Variants in OTUD4 observed in about 807,000 individuals in gnomAD.
OTUD4 encodes the protein OTU domain-containing protein 4.
OTUD4 carries 24 observed loss-of-function variants against 130.4 expected under a neutral mutation model. The ratio of observed to expected loss-of-function variants is 0.18; its 90% CI spans 0.13 to 0.26. The LOEUF is 0.26. Ranked by LOEUF, OTUD4 falls within the 10% of genes least tolerant of loss-of-function variation. OTUD4 has a pLI of 1.00. For synonymous variants in OTUD4, 420 were observed against 472.5 expected (o/e 0.89, Z 1.44); for missense variants, 1,031 against 1,329.4 (o/e 0.78, Z 3.49).
chr4:145,154,037 C>T lies in OTUD4; in HGVS notation c.873+1374G>A, dbSNP rs537246538. Among the ~76,000 whole-genome samples the T allele has an allele frequency of 6.6e-5, 10 of 152,294 alleles. No individual in the cohort carries two copies. The South Asian group carries it at 2.1e-3, about 32-fold the overall frequency. On this transcript the variant is annotated intron_variant, in intron 10 of 20. Coordinates refer to ENST00000447906, the MANE Select transcript of OTUD4 (RefSeq NM_001366057.1). Reference sequence around the variant, plus strand: ...ATGAAAGCATGTGCTTTACCATCTACTTTATCAAAAGCACCTACTTTACCA... The same window carrying T: ...ATGAAAGCATGTGCTTTACCATCTATTTTATCAAAAGCACCTACTTTACCA...
At chr4:145,162,047 A>T (rs1751598616) in intron 6 of OTUD4, among the ~76,000 whole-genome samples, 1 of 152,130 alleles carries the variant, frequency 6.6e-6, no homozygotes, top group African/African-American at 2.4e-5. Flanking sequence ...ATAATAGCTC[A>T]CTGCAGCCTT....
chr4:145,138,074 TAGACAGATCCAGATTTTCCAG>T lies in OTUD4; in HGVS notation c.2680_2700del (p.Leu894_Ser900del), dbSNP rs1750371917. On this transcript the variant is annotated inframe_deletion, in exon 21 of 21. Transcript: ENST00000447906. ...ACTGTTGAAACTGAACCACAATCTT[TAGACAGATCCAGATTTTCCAG>T]AGACAGATCCAATTCTCCTTTTTCA... 2 of 1,614,118 alleles carry T rather than the reference TAGACAGATCCAGATTTTCCAG, an allele frequency of 1.2e-6. No individual in the cohort carries two copies. The highest frequency in any genetic ancestry group is 1.7e-6 in the Non-Finnish European group (2 of 1,179,996).
At chr4:145,179,625 T>C in intron 1 of OTUD4, 190 bp downstream of exon 1, 1 of 1,383,746 alleles carries the variant, frequency 7.2e-7, no homozygotes, top group Admixed American at 3.5e-5. Context: ...GGCTTTCGAG[T>C]TTCAATTTGC....
intron 5 of OTUD4, 26 bp from the exon 6 acceptor site, chr4:145,162,747 T>C: frequency 8.3e-7 from 1 of 1,203,588 alleles, no homozygotes; most frequent in Non-Finnish European, 1.2e-6. Context: ...AAAAGAAACA[T>C]TTCAGCCCCT....
In OTUD4 at chr4:145,155,435, T is replaced by C. The variant is rs2126769881; in HGVS notation, c.849A>G (p.Gln283=). Reference sequence around the variant, plus strand: ...CTTGACATTTGTCTCCAACTTCATATTGTAAGCCAGCAGCAATGGAATAAT... The same window carrying C: ...CTTGACATTTGTCTCCAACTTCATACTGTAAGCCAGCAGCAATGGAATAAT... ...KRDYSIAAGL[Q]YEVGDKCQVR... The change falls in exon 10 of 21, where the codon CAA becomes CAG. Residue 283 remains glutamine, a synonymous_variant. Transcript: ENST00000447906. 7 of 1,611,932 alleles carry C rather than the reference T, an allele frequency of 4.3e-6. No homozygotes were observed. Among genetic ancestry groups the C allele is most frequent in the Non-Finnish European group, 5.9e-6 (7 of 1,179,340 alleles).
chr4:145,142,847 C>T lies in OTUD4; in HGVS notation c.1684-513G>A, dbSNP rs576676753. On this transcript the variant is annotated intron_variant, in intron 17 of 20. Coordinates refer to ENST00000447906, the MANE Select transcript of OTUD4 (RefSeq NM_001366057.1). ...AAAGGCATTTAACATTTAACTTTCT[C>T]TACTCTTGTATTAGTCAAGAACTAA... Among the ~76,000 whole-genome samples, 6 of 152,334 alleles carry T rather than the reference C, an allele frequency of 3.9e-5. No homozygotes were observed. The East Asian group carries it at 1.2e-3, about 29-fold the overall frequency.
At chr4:145,155,309 C>T (rs763142420) in intron 10 of OTUD4, 102 bp downstream of exon 10, 6 of 880,876 alleles carry the variant, frequency 6.8e-6, no homozygotes, top group South Asian at 6.0e-5. Context: ...TTCTGAAATC[C>T]CAAATTAACA....
chr4:145,169,587 C>A (rs556425863), intron 3 of OTUD4, among the ~76,000 whole-genome samples: 1 of 152,134 alleles, frequency 6.6e-6, no homozygotes, highest in Non-Finnish European at 1.5e-5. Flanking sequence ...CAGGTTCAAG[C>A]GATTCTCCTG....
rs1173981251 is a variant in OTUD4 at position 145,155,570 on chromosome 4, T to C, written c.807A>G (p.Gln269=). ...GGAAAATGCAGATTTTTAACTCACC[T>C]TGTTTAGACTTCAGCCAAATTTCAT... The part of the protein sequence containing the change: ...VEYEIWLKSK[Q]AQQKRDYSIA... The change falls in exon 9 of 21, where the codon CAA becomes CAG. Residue 269 remains glutamine, a splice_region_variant and synonymous_variant. Transcript: ENST00000447906. The C allele has an allele frequency of 6.2e-7, 1 of 1,605,294 alleles. No homozygotes were observed. Among genetic ancestry groups the C allele is most frequent in the Admixed American group, 1.7e-5 (1 of 58,852 alleles).
Position 145,180,079 on chromosome 4 carries a change from G to C in OTUD4, c.-106C>G. 1.1e-6 allele frequency: 1 copy of C among 935,296 alleles called. No individual in the cohort carries two copies. Among genetic ancestry groups the C allele is most frequent in the Non-Finnish European group, 1.3e-6 (1 of 751,768 alleles). 57.9% of individuals were successfully genotyped at this position (935,296 alleles called of 1,614,324 possible). On this transcript the variant is annotated 5_prime_UTR_variant, in exon 1 of 21. Transcript: ENST00000447906. ...TGGGGCAGGCGGCGGCTCGGGCTGGGGCTCGGGCTCCGCGAGCGGCGGCAG... is the reference window on the plus strand; with the variant it reads ...TGGGGCAGGCGGCGGCTCGGGCTGGCGCTCGGGCTCCGCGAGCGGCGGCAG...
At position 145,137,056 on chromosome 4, in the gene OTUD4, A is replaced by C. The variant is rs1750307972; in HGVS notation, c.*374T>G. On this transcript the variant is annotated 3_prime_UTR_variant, in exon 21 of 21. Coordinates refer to ENST00000447906, the MANE Select transcript of OTUD4 (RefSeq NM_001366057.1). ...TTTTCTTGTCACTTTAGTAAACACT[A>C]TAAAGCACACATTTCCAACATCTGA... The C allele has an allele frequency of 5.7e-6, 1 of 175,896 alleles. No individual in the cohort carries two copies. Among genetic ancestry groups the C allele is most frequent in the Non-Finnish European group, 1.2e-5 (1 of 83,276 alleles). 10.9% of individuals were successfully genotyped at this position (175,896 alleles called of 1,614,324 possible). A position where few individuals can be genotyped will look rare whatever the true frequency, so the allele number is the denominator to read the frequency against.
chr4:145,143,914 G>A, intron 16 of OTUD4, 32 bp downstream of exon 16: 1 of 1,551,170 alleles, frequency 6.4e-7, no homozygotes, highest in South Asian at 1.1e-5. Context: ...TAAGGAAAAA[G>A]AAAAGATGCA....
intron 6 of OTUD4, among the ~76,000 whole-genome samples, chr4:145,159,847 T>C (rs1286798387): frequency 6.6e-6 from 1 of 152,168 alleles, no homozygotes; most frequent in Non-Finnish European, 1.5e-5. Flanking sequence ...TAGTTTAAAA[T>C]AATCGCAAAA....
Position 145,141,492 on chromosome 4 carries a change from G to A in OTUD4, c.1970C>T (p.Thr657Ile). ...GAGTGGGTCTTGATAAAGGCTCAAT[G>A]TCTGAGGCAAAGGCATCAAGGGCTG... ...VNQPLMPLPQ[T>I]LSLYQDPLYP... The change falls in exon 19 of 21, where the codon ACA (threonine) becomes ATA (isoleucine). Residue 657 changes from threonine to isoleucine, a missense_variant. By Grantham distance (89) the Thr-to-Ile change is moderately conservative. Around this residue, in one of 3 missense-constraint regions of OTUD4, gnomAD observed 900 missense variants for 1,095.9 expected, o/e 0.82. Coordinates refer to ENST00000447906, the MANE Select transcript of OTUD4 (RefSeq NM_001366057.1). The A allele has an allele frequency of 1.2e-6, 2 of 1,613,398 alleles. No homozygotes were observed. The highest frequency in any genetic ancestry group is 1.7e-6 in the Non-Finnish European group (2 of 1,179,416).
intron 7 of OTUD4, among the ~76,000 whole-genome samples, chr4:145,156,197 C>CA (rs1172233844): frequency 6.6e-6 from 1 of 152,022 alleles, no homozygotes; most frequent in Admixed American, 6.6e-5. Context: ...AGACAGAAGT[C>CA]AAAGACAACA....
chr4:145,160,022 A>C (rs1392198709), intron 6 of OTUD4, among the ~76,000 whole-genome samples: 1 of 152,184 alleles, frequency 6.6e-6, no homozygotes, highest in Non-Finnish European at 1.5e-5. Flanking sequence ...CAGCACAGTG[A>C]AGCATTATTC....
chr4:145,143,466 CAA>C lies in OTUD4; in HGVS notation c.1603-23_1603-22del, dbSNP rs755926018. ...ATATTCTTTGGAAGCAAAAAAGAAGCAAAGTTTTGTATTTCAGAGACCCACAT... is the reference window on the plus strand; with the variant it reads ...ATATTCTTTGGAAGCAAAAAAGAAGCAGTTTTGTATTTCAGAGACCCACAT... On this transcript the variant is annotated intron_variant, in intron 16 of 20. Coordinates refer to ENST00000447906, the MANE Select transcript of OTUD4 (RefSeq NM_001366057.1). 75 of 1,483,990 alleles carry C rather than the reference CAA, an allele frequency of 5.1e-5. 2 individuals are homozygous for C. In the South Asian group the frequency reaches 8.4e-4, roughly 17 times the overall value. 91.9% of individuals were successfully genotyped at this position (1,483,990 alleles called of 1,614,324 possible).
chr4:145,162,741 G>C lies in OTUD4; in HGVS notation c.415-20C>G, dbSNP rs374011130. 2 of 1,326,898 alleles carry C rather than the reference G, an allele frequency of 1.5e-6. No homozygotes were observed. Among genetic ancestry groups the C allele is most frequent in the Non-Finnish European group, 2.1e-6 (2 of 939,458 alleles). 82.2% of individuals were successfully genotyped at this position (1,326,898 alleles called of 1,614,324 possible). ...TAACACCTGAAAGGGAAAAATAAAA[G>C]AAACATTTCAGCCCCTCATACATAT... On this transcript the variant is annotated intron_variant, in intron 5 of 20. Transcript: ENST00000447906.
In OTUD4 at chr4:145,137,431, C is replaced by T; in HGVS notation, c.3344G>A (p.Ter1115=). The change falls in exon 21 of 21, where the codon TGA becomes TAA. Residue 1115 remains the stop codon, a stop_retained_variant. Coordinates refer to ENST00000447906, the MANE Select transcript of OTUD4 (RefSeq NM_001366057.1). ...TAGAAAATACTTCGGCAACAACCAT[C>T]AAGTGTGCTGTCCCCTATGGCCATC... is the stretch of plus-strand genomic sequence containing the variant. ...MGDGHRGQHT[*] The T allele has an allele frequency of 6.3e-7, 1 of 1,598,212 alleles. No homozygotes were observed.
Sources: gnomAD v4.1 joint callset for allele counts (sites outside exome capture counted in the v4.1 genomes callset) on GRCh38, gnomAD v4.1.1 for gene constraint, gnomAD v4.1.1 regional missense constraint, MANE v1.5 for transcripts, NCBI Gene and HGNC (gene_info 2026-07-23, HGNC 2026-07-21) for gene names.